Variants in SCARA5 observed in about 807,000 individuals in gnomAD.
The protein encoded by SCARA5 is scavenger receptor class A, member 5 (putative).
Under a neutral mutation model 46.3 loss-of-function variants are expected in SCARA5, and 45 were observed. The ratio of observed to expected loss-of-function variants is 0.97; its 90% CI spans 0.76 to 1.24. The LOEUF (loss-of-function observed/expected upper bound fraction) is 1.24. SCARA5 is among the 50% of genes most tolerant of loss of function. The probability of loss-of-function intolerance (pLI) is 0.00; values close to 1 mark genes in which losing one functional copy is unlikely to be tolerated. For synonymous variants in SCARA5, 333 were observed against 306.5 expected (o/e 1.09, Z -0.90); for missense variants, 680 against 689.0 (o/e 0.99, Z 0.15).
At chr8:27,935,679 C>T (rs917300626) in intron 3 of SCARA5, among the ~76,000 whole-genome samples, 8 of 152,178 alleles carry the variant, frequency 5.3e-5, no homozygotes, top group African/African-American at 1.4e-4. Context: ...CCAGAGGACC[C>T]GGGAGCACTC....
intron 3 of SCARA5, among the ~76,000 whole-genome samples, chr8:27,949,744 C>T (rs1418488258): frequency 6.6e-6 from 1 of 152,226 alleles, no homozygotes; most frequent in Non-Finnish European, 1.5e-5. Context: ...ATGGGAAAAG[C>T]CCCTGCCTGG....
chr8:27,912,339 C>T (rs943572218), intron 4 of SCARA5, among the ~76,000 whole-genome samples: 27 of 152,300 alleles, frequency 1.8e-4, no homozygotes, highest in African/African-American at 5.3e-4. Flanking sequence ...TCAGACCTAA[C>T]CAAACTTGAC....
intron 7 of SCARA5, among the ~76,000 whole-genome samples, chr8:27,900,132 C>G (rs1275748130): frequency 6.8e-6 from 1 of 147,204 alleles, no homozygotes; most frequent in Non-Finnish European, 1.5e-5. Context: ...AGCAAGACTC[C>G]ATCTAAAAAA....
chr8:27,907,942 C>G (rs1430565773), intron 5 of SCARA5, among the ~76,000 whole-genome samples: 1 of 152,128 alleles, frequency 6.6e-6, no homozygotes, highest in Non-Finnish European at 1.5e-5. Flanking sequence ...CATAAAGTAT[C>G]TCATTTAATC....
At chr8:27,918,679 TGAGGAGGAAAAGGAAGATGAG>T (rs1272337654) in intron 4 of SCARA5, among the ~76,000 whole-genome samples, 1 of 11,936 alleles carries the variant, frequency 8.4e-5, no homozygotes, top group African/African-American at 2.8e-4. Context: ...AAAAGGAAGA[TGAGGAGGAAAAGGAAGATGAG>T]GAGGAAAAGG....
intron 3 of SCARA5, among the ~76,000 whole-genome samples, chr8:27,948,834 T>C (rs1400009237): frequency 6.6e-6 from 1 of 152,226 alleles, no homozygotes; most frequent in Non-Finnish European, 1.5e-5. Context: ...ATCAAGGAAA[T>C]TTAAAAATCC....
At chr8:27,920,972 T>G (rs1462058532) in intron 4 of SCARA5, among the ~76,000 whole-genome samples, 1 of 151,786 alleles carries the variant, frequency 6.6e-6, no homozygotes, top group Admixed American at 6.6e-5. Context: ...CGAGACTCCG[T>G]CTCAAAAAAA....
chr8:27,910,895 A>G (rs1363458730), intron 4 of SCARA5, among the ~76,000 whole-genome samples: 1 of 152,200 alleles, frequency 6.6e-6, no homozygotes, highest in East Asian at 1.9e-4. Flanking sequence ...ATGATTGGAT[A>G]CAGTCCCCAT....
At chr8:27,980,994 C>T (rs919470330) in intron 2 of SCARA5, among the ~76,000 whole-genome samples, 3 of 152,146 alleles carry the variant, frequency 2.0e-5, no homozygotes, top group African/African-American at 7.2e-5. Context: ...CCTTCTACCT[C>T]CTCATCTCTC....
At chr8:27,884,361 G>A (rs1208597967) in intron 7 of SCARA5, among the ~76,000 whole-genome samples, 1 of 152,272 alleles carries the variant, frequency 6.6e-6, no homozygotes, top group Non-Finnish European at 1.5e-5. Context: ...CCCGGGAGCA[G>A]TAAGGACAGG....
chr8:27,964,189 G>T (rs1808333844), intron 3 of SCARA5, among the ~76,000 whole-genome samples: 1 of 152,102 alleles, frequency 6.6e-6, no homozygotes, highest in Non-Finnish European at 1.5e-5. Context: ...CCACCATCTT[G>T]CCAAGTCCCT....
chr8:27,963,426 G>A (rs1186518349), intron 3 of SCARA5, among the ~76,000 whole-genome samples: 1 of 152,224 alleles, frequency 6.6e-6, no homozygotes, highest in Non-Finnish European at 1.5e-5. Flanking sequence ...GTGTTGAAGA[G>A]ATAGAAAAGC....
intron 3 of SCARA5, among the ~76,000 whole-genome samples, chr8:27,946,045 C>T (rs1808032478): frequency 6.6e-6 from 1 of 152,168 alleles, no homozygotes; most frequent in African/African-American, 2.4e-5. Flanking sequence ...AGTCTCTCTC[C>T]TGGGAATTTA....
intron 3 of SCARA5, among the ~76,000 whole-genome samples, chr8:27,937,309 G>C (rs1807874116): frequency 1.3e-5 from 2 of 152,100 alleles, no homozygotes; most frequent in African/African-American, 4.8e-5. Flanking sequence ...AGAATCCTGG[G>C]ACCAACCTGG....
chr8:27,877,288 C>A (rs911892926), intron 8 of SCARA5, among the ~76,000 whole-genome samples: 1 of 152,086 alleles, frequency 6.6e-6, no homozygotes, highest in Non-Finnish European at 1.5e-5. Flanking sequence ...TGTTAGGGCA[C>A]CATGATAGGG....
At chr8:27,915,028 C>A (rs2685336) in intron 4 of SCARA5, among the ~76,000 whole-genome samples, 77,977 of 151,836 alleles carry the variant, frequency 0.51, 20,651 homozygotes, top group Non-Finnish European at 0.58. Flanking sequence ...ATGAGCCTGG[C>A]CTGGAGCCAG....
chr8:27,927,551 C>G (rs1807701237), intron 3 of SCARA5, among the ~76,000 whole-genome samples: 1 of 151,582 alleles, frequency 6.6e-6, no homozygotes, highest in Non-Finnish European at 1.5e-5. Flanking sequence ...ATTTTTTATC[C>G]TCTGTTTTAT....
chr8:27,977,937 C>A (rs755192366), intron 2 of SCARA5, among the ~76,000 whole-genome samples: 41 of 151,838 alleles, frequency 2.7e-4, no homozygotes, highest in Non-Finnish European at 5.4e-4. Flanking sequence ...AACTTTATAG[C>A]AATTACATGT....
chr8:27,928,287 T>G (rs1471999633), intron 3 of SCARA5, among the ~76,000 whole-genome samples: 1 of 152,236 alleles, frequency 6.6e-6, no homozygotes, highest in Non-Finnish European at 1.5e-5. Context: ...CCTGGCCTAC[T>G]TTAAATGTGT....
Sources: allele counts gnomAD v4.1 joint callset (sites outside exome capture counted in the v4.1 genomes callset), GRCh38; gene constraint gnomAD v4.1.1; transcripts MANE v1.5; gene names NCBI Gene and HGNC (gene_info 2026-07-23, HGNC 2026-07-21).